TCF3: variants seen among roughly 807,000 people sequenced by gnomAD.
TCF3 encodes transcription factor E2-alpha.
TCF3 carries 54 observed loss-of-function variants against 72.3 expected under a neutral mutation model. That is an observed-to-expected ratio of 0.75 (90% CI 0.60 to 0.94). TCF3 has a LOEUF of 0.94. Ranked by LOEUF, TCF3 falls within the 40% of genes least tolerant of loss-of-function variation. The probability of loss-of-function intolerance (pLI) is 0.00; values close to 1 mark genes in which losing one functional copy is unlikely to be tolerated. For synonymous variants in TCF3, 525 were observed against 412.6 expected (o/e 1.27, Z -3.30); for missense variants, 1,078 against 934.4 (o/e 1.15, Z -2.00).
At chr19:1,624,422 C>A (rs1001782599) in intron 7 of TCF3, among the ~76,000 whole-genome samples, 1 of 152,196 alleles carries the variant, frequency 6.6e-6, no homozygotes, top group Admixed American at 6.5e-5. Flanking sequence ...GCAGCAACAA[C>A]AACAAAAAGC....
rs527640144 is a variant in TCF3, at chr19:1,612,122, C to T, written c.1823-273G>A. 3.0e-4 allele frequency: 406 copies of T among 1,365,228 alleles called. 4 individuals carry two copies. The Middle Eastern group carries it at 3.3e-3, about 11-fold the overall frequency. The allele number at this position is 1,365,228 out of a possible 1,614,324, so 84.6% of individuals were successfully genotyped here. A position where few individuals can be genotyped will look rare whatever the true frequency, so the allele number is the denominator to read the frequency against. On this transcript the variant is annotated intron_variant, in intron 18 of 18. Coordinates refer to ENST00000262965, the MANE Select transcript of TCF3 (RefSeq NM_003200.5). The stretch of plus-strand genomic sequence containing the variant: ...GACAGACATGGACAGAGTCCGGGGG[C>T]GGCAAGCACAGGAGGACCCCAGCAT...
In TCF3 at chr19:1,622,149, C is replaced by A; in HGVS notation, c.727G>T (p.Gly243Cys). ...QAGFGPMLGG[G>C]SSPLPLPPGS... ...GGCGGGAGGGGCAGCGGGGATGAGC[C>A]CCCACCCAGCATGGGCCCGAAGCCC... The change falls in exon 10 of 19, where the codon GGC becomes TGC. Residue 243 changes from glycine to cysteine, a missense_variant. By Grantham distance (159) the Gly-to-Cys change is radical. Coordinates refer to ENST00000262965, the MANE Select transcript of TCF3 (RefSeq NM_003200.5). 1 of 1,582,160 alleles carries A rather than the reference C, an allele frequency of 6.3e-7. No homozygotes were observed. The highest frequency in any genetic ancestry group is 8.6e-7 in the Non-Finnish European group (1 of 1,166,682).
chr19:1,646,293 T>A, intron 3 of TCF3, 62 bp downstream of exon 3: 1 of 1,496,684 alleles, frequency 6.7e-7, no homozygotes, highest in Non-Finnish European at 9.1e-7. Flanking sequence ...GCCCGCACAC[T>A]GTCTTCAACA....
rs1195429142 is a variant in TCF3, at chr19:1,646,369, T to G, written c.131A>C (p.Gln44Pro). 6.5e-7 allele frequency: 1 copy of G among 1,550,092 alleles called. No individual in the cohort carries two copies. The highest frequency in any genetic ancestry group is 1.2e-5 in the South Asian group (1 of 84,038). The change falls in exon 3 of 19, where the codon CAG becomes CCG. Residue 44 changes from glutamine to proline, a missense_variant. By Grantham distance (76) the Gln-to-Pro change is moderately conservative. Transcript: ENST00000262965. Reference sequence around the variant, plus strand: ...CGGGGTCCTACCTGAACCTCCGAACTGCGCCCCGGCCAGGGAGGCGGGCCG... The same window carrying G: ...CGGGGTCCTACCTGAACCTCCGAACGGCGCCCCGGCCAGGGAGGCGGGCCG... The part of the protein sequence containing the change: ...KGRPASLAGA[Q>P]FGGSGLEDRP...
At chr19:1,636,454 C>T (rs2064421391) in intron 3 of TCF3, among the ~76,000 whole-genome samples, 1 of 152,174 alleles carries the variant, frequency 6.6e-6, no homozygotes, top group Admixed American at 6.5e-5. Flanking sequence ...AGCCACAACG[C>T]CTGGTGAATT....
chr19:1,646,677 C>CT (rs1458853253), intron 2 of TCF3, among the ~76,000 whole-genome samples: 4 of 152,198 alleles, frequency 2.6e-5, no homozygotes, highest in African/African-American at 9.6e-5. Context: ...GATGACCCCG[C>CT]TGTACCGCCA....
intron 3 of TCF3, among the ~76,000 whole-genome samples, chr19:1,645,516 C>G (rs746931852): frequency 2.6e-5 from 4 of 151,120 alleles, no homozygotes; most frequent in African/African-American, 9.9e-5. Flanking sequence ...GGCGTCCGTA[C>G]GGGCTGCTCT....
intron 7 of TCF3, among the ~76,000 whole-genome samples, chr19:1,624,475 G>A (rs1158300245): frequency 6.6e-6 from 1 of 152,182 alleles, no homozygotes; most frequent in East Asian, 1.9e-4. Flanking sequence ...GAAGAACCAC[G>A]ATGGTTTTCT....
At chr19:1,648,036 AGGCAGG>A in intron 2 of TCF3, among the ~76,000 whole-genome samples, 1 of 152,156 alleles carries the variant, frequency 6.6e-6, no homozygotes, top group East Asian at 1.9e-4. Context: ...CCTGGGACCC[AGGCAGG>A]GCATGTCAGC....
chr19:1,652,126 G>A (rs2067211341), intron 1 of TCF3, among the ~76,000 whole-genome samples, 174 bp downstream of exon 1: 1 of 149,502 alleles, frequency 6.7e-6, no homozygotes, highest in Non-Finnish European at 1.5e-5. Flanking sequence ...CCCCCCCGGC[G>A]CCGCGCGAAG....
chr19:1,646,223 G>T, intron 3 of TCF3, 132 bp downstream of exon 3: 1 of 1,009,508 alleles, frequency 9.9e-7, no homozygotes, highest in Non-Finnish European at 1.5e-6. Context: ...CGCTGCCCCC[G>T]ACCCGGCCTG....
intron 3 of TCF3, among the ~76,000 whole-genome samples, chr19:1,641,063 T>A (rs997754206): frequency 1.3e-5 from 2 of 150,538 alleles, no homozygotes; most frequent in African/African-American, 4.9e-5. Flanking sequence ...AGCAGGAGAA[T>A]CGTTTGAACT....
intron 1 of TCF3, chr19:1,651,441 G>A (rs1042858884): frequency 4.4e-5 from 10 of 226,290 alleles, no homozygotes; most frequent in Non-Finnish European, 7.9e-5. Context: ...GAGGGCGTGT[G>A]AAACTGACTT....
intron 3 of TCF3, among the ~76,000 whole-genome samples, chr19:1,642,302 A>G (rs966825786): frequency 9.2e-5 from 14 of 151,708 alleles, no homozygotes; most frequent in Non-Finnish European, 5.9e-5. Flanking sequence ...GCACAGACAC[A>G]CACCCGCACG....
At chr19:1,652,089 C>G (rs1003088657) in intron 1 of TCF3, among the ~76,000 whole-genome samples, 1 of 149,720 alleles carries the variant, frequency 6.7e-6, no homozygotes, top group Non-Finnish European at 1.5e-5. Flanking sequence ...GCGGGCCTGG[C>G]GAGCTCCGGG....
chr19:1,649,081 G>A lies in TCF3; in HGVS notation c.72+1096C>T, dbSNP rs926399397. Among the ~76,000 whole-genome samples, 8 of 152,240 alleles carry A rather than the reference G, an allele frequency of 5.3e-5. No individual in the cohort carries two copies. In the East Asian group the frequency reaches 1.5e-3, roughly 29 times the overall value. ...CTCCGTTCACCCAGGTGGAGAATGGGCCGTACAGGGACAGATCCAACCACC... is the reference window on the plus strand; with the variant it reads ...CTCCGTTCACCCAGGTGGAGAATGGACCGTACAGGGACAGATCCAACCACC... On this transcript the variant is annotated intron_variant, in intron 2 of 18. Transcript: ENST00000262965.
intron 16 of TCF3, among the ~76,000 whole-genome samples, chr19:1,618,862 A>G (rs1246737618): frequency 2.0e-5 from 3 of 152,158 alleles, no homozygotes; most frequent in African/African-American, 4.8e-5. Flanking sequence ...GAGCGCTGCC[A>G]GGCACACAGC....
chr19:1,629,184 TCA>T (rs1309992857), intron 5 of TCF3, among the ~76,000 whole-genome samples: 1 of 151,890 alleles, frequency 6.6e-6, no homozygotes, highest in Non-Finnish European at 1.5e-5. Flanking sequence ...TTCCTGAGCC[TCA>T]GTTTCCTCTG....
intron 18 of TCF3, among the ~76,000 whole-genome samples, chr19:1,612,594 A>G (rs2061122228): frequency 6.7e-6 from 1 of 148,378 alleles, no homozygotes; most frequent in Non-Finnish European, 1.5e-5. Context: ...TGTGGGCAGC[A>G]GTGCAGGTAC....
Sources: gnomAD v4.1 joint callset for allele counts (sites outside exome capture counted in the v4.1 genomes callset) on GRCh38, gnomAD v4.1.1 for gene constraint, MANE v1.5 for transcripts, NCBI Gene and HGNC (gene_info 2026-07-23, HGNC 2026-07-21) for gene names.